Variants in PRDM7 observed in about 807,000 individuals in gnomAD.
The protein encoded by PRDM7 is PR/SET domain 7, also known as histone-lysine N-methyltransferase PRDM7.
In PRDM7, 52 loss-of-function variants were observed where a neutral mutation model predicts 64.3. The ratio of observed to expected loss-of-function variants is 0.81; its 90% CI spans 0.65 to 1.02. The LOEUF is 1.02. Among genes scored for constraint, PRDM7 ranks in the 50% least tolerant of loss-of-function variants. The pLI, the probability that PRDM7 is intolerant of heterozygous loss-of-function variation, is 0.00. For synonymous variants in PRDM7, 192 were observed against 210.1 expected (o/e 0.91, Z 0.74); for missense variants, 574 against 597.1 (o/e 0.96, Z 0.40).
Position 90,057,717 on chromosome 16 carries a change from C to G in PRDM7, c.*572G>C. The stretch of plus-strand genomic sequence containing the variant: ...GTTATTTCCGATCTCTTTACACTCT[C>G]GGGGAATGTAAGGGGTTAGCAGACT... On this transcript the variant is annotated 3_prime_UTR_variant, in exon 11 of 11. Coordinates refer to ENST00000449207, the MANE Select transcript of PRDM7 (RefSeq NM_001098173.2). 1 of 1,234,296 alleles carries G rather than the reference C, an allele frequency of 8.1e-7. No homozygotes were observed. Among genetic ancestry groups the G allele is most frequent in the Non-Finnish European group, 1.0e-6 (1 of 962,124 alleles). 76.5% of individuals were successfully genotyped at this position (1,234,296 alleles called of 1,614,324 possible).
intron 10 of PRDM7, among the ~76,000 whole-genome samples, chr16:90,058,755 C>T (rs945248351): frequency 6.6e-6 from 1 of 152,136 alleles, no homozygotes; most frequent in African/African-American, 2.4e-5. Flanking sequence ...GCCTTTTCTA[C>T]GTATCAGCCA....
At chr16:90,069,207 G>C (rs1047465807) in intron 4 of PRDM7, among the ~76,000 whole-genome samples, 3 of 151,194 alleles carry the variant, frequency 2.0e-5, no homozygotes, top group African/African-American at 4.9e-5. Context: ...ATAAACCCTC[G>C]TGTATATGGT....
intron 10 of PRDM7, among the ~76,000 whole-genome samples, chr16:90,059,995 T>C (rs1353087285): frequency 1.3e-5 from 2 of 152,220 alleles, no homozygotes; most frequent in Non-Finnish European, 2.9e-5. Flanking sequence ...CATATGCGTA[T>C]CATTAAGAAA....
At chr16:90,060,142 G>A (rs112569071) in intron 10 of PRDM7, among the ~76,000 whole-genome samples, 199 bp downstream of exon 10, 2 of 152,160 alleles carry the variant, frequency 1.3e-5, no homozygotes, top group East Asian at 1.9e-4. Context: ...ATATAAAATC[G>A]GAACAAAGAT....
In PRDM7 at chr16:90,058,208, C is replaced by A. The variant is rs1277911123; in HGVS notation, c.*81G>T. 3.7e-6 allele frequency: 6 copies of A among 1,614,106 alleles called. No individual in the cohort carries two copies. Among genetic ancestry groups the A allele is most frequent in the Non-Finnish European group, 5.1e-6 (6 of 1,180,034 alleles). ...CTGGACTCTTCTTCCATCATTCTTT[C>A]TCCCACTCTAGAGCTCCCCATTTGT... is the stretch of plus-strand genomic sequence containing the variant. On this transcript the variant is annotated 3_prime_UTR_variant, in exon 11 of 11. Coordinates refer to ENST00000449207, the MANE Select transcript of PRDM7 (RefSeq NM_001098173.2).
chr16:90,076,389 G>A lies in PRDM7; in HGVS notation c.-85-394C>T, dbSNP rs1437420647. ...CTGAGGAGCAGGGTTCTGTTTTAGC[G>A]AGGCAAAATGAACATTTTGCATAGA... is the stretch of plus-strand genomic sequence containing the variant. On this transcript the variant is annotated intron_variant, in intron 1 of 10. Coordinates refer to ENST00000449207, the MANE Select transcript of PRDM7 (RefSeq NM_001098173.2). Among the ~76,000 whole-genome samples, 8 of 152,126 alleles carry A rather than the reference G, an allele frequency of 5.3e-5. No homozygotes were observed. In the East Asian group the frequency reaches 1.5e-3, roughly 29 times the overall value.
Position 90,058,270 on chromosome 16 carries a change from C to G in PRDM7, c.*19G>C. The stretch of plus-strand genomic sequence containing the variant: ...GCTAGAAAAGGCCCTTGAAATCTCC[C>G]TCTGCCATGTCCTTTTATTCAAGAG... On this transcript the variant is annotated 3_prime_UTR_variant, in exon 11 of 11. Transcript: ENST00000449207. 1 of 1,614,154 alleles carries G rather than the reference C, an allele frequency of 6.2e-7. No individual in the cohort carries two copies. Among genetic ancestry groups the G allele is most frequent in the African/African-American group, 1.3e-5 (1 of 75,054 alleles).
intron 10 of PRDM7, among the ~76,000 whole-genome samples, chr16:90,059,575 C>T (rs2037736051): frequency 6.6e-6 from 1 of 152,216 alleles, no homozygotes; most frequent in African/African-American, 2.4e-5. Context: ...ATCCTTGGCC[C>T]ACAGGCACTT....
At chr16:90,064,964 C>G (rs1404625894) in intron 5 of PRDM7, among the ~76,000 whole-genome samples, 1 of 150,912 alleles carries the variant, frequency 6.6e-6, no homozygotes, top group Non-Finnish European at 1.5e-5. Flanking sequence ...GGTAATCTGC[C>G]CACCTCTGCC....
intron 4 of PRDM7, among the ~76,000 whole-genome samples, chr16:90,073,203 A>G (rs1186732981): frequency 6.6e-6 from 1 of 152,230 alleles, no homozygotes; most frequent in Admixed American, 6.5e-5. Context: ...ATCATATAGT[A>G]TGATGAAATG....
rs535302019 is a variant in PRDM7 at position 90,058,212 on chromosome 16, C to T, written c.*77G>A. On this transcript the variant is annotated 3_prime_UTR_variant, in exon 11 of 11. Coordinates refer to ENST00000449207, the MANE Select transcript of PRDM7 (RefSeq NM_001098173.2). Reference sequence around the variant, plus strand: ...ACTCTTCTTCCATCATTCTTTCTCCCACTCTAGAGCTCCCCATTTGTCCTT... The same window carrying T: ...ACTCTTCTTCCATCATTCTTTCTCCTACTCTAGAGCTCCCCATTTGTCCTT... The T allele has an allele frequency of 3.7e-6, 6 of 1,614,186 alleles. No homozygotes were observed. The highest frequency in any genetic ancestry group is 3.3e-4 in the Middle Eastern group (2 of 6,062).
intron 9 of PRDM7, among the ~76,000 whole-genome samples, chr16:90,060,830 T>C (rs1384075029): frequency 1.3e-5 from 2 of 152,232 alleles, no homozygotes; most frequent in African/African-American, 4.8e-5. Context: ...AATTCTGTTT[T>C]ATACCACAGA....
At chr16:90,060,995 C>A (rs2037766747) in intron 9 of PRDM7, among the ~76,000 whole-genome samples, 1 of 152,278 alleles carries the variant, frequency 6.6e-6, no homozygotes, top group South Asian at 2.1e-4. Flanking sequence ...TAGAGAAACT[C>A]AGAAGTCTCT....
Position 90,075,405 on chromosome 16 carries a change from C to T in PRDM7, c.139G>A (p.Glu47Lys), listed in dbSNP as rs2038021594. The change falls in exon 3 of 11, where the codon GAG becomes AAG. Residue 47 changes from glutamate to lysine, a missense_variant. Coordinates refer to ENST00000449207, the MANE Select transcript of PRDM7 (RefSeq NM_001098173.2). This position sits in a 1 kb window ranked among gnomAD's most constrained non-coding sequence, Gnocchi z 4.3. ...KEEWAEMGDW[E>K]KTRYRNVKMN... ...TTCACATTCCTATAGCGAGTTTTCTCCCAGTCTCCCATTTCTGCCCATTCT... is the reference window on the plus strand; with the variant it reads ...TTCACATTCCTATAGCGAGTTTTCTTCCAGTCTCCCATTTCTGCCCATTCT... The T allele has an allele frequency of 6.2e-7, 1 of 1,614,166 alleles. No individual in the cohort carries two copies. The highest frequency in any genetic ancestry group is 8.5e-7 in the Non-Finnish European group (1 of 1,180,032).
In PRDM7 at chr16:90,062,168, A is replaced by G; in HGVS notation, c.635T>C (p.Phe212Ser). ...CCCATGAGCAGCACAGCTGTCAATGAAGAAGTTCTGACACATCTCACAATC... is the reference window on the plus strand; with the variant it reads ...CCCATGAGCAGCACAGCTGTCAATGGAGAAGTTCTGACACATCTCACAATC... The part of the protein sequence containing the change: ...YLYCEMCQNF[F>S]IDSCAAHGPP... The change falls in exon 8 of 11, where the codon TTC (phenylalanine) becomes TCC (serine). Residue 212 changes from phenylalanine to serine, a missense_variant. Physicochemically the swap from Phe to Ser is radical, Grantham distance 155. Transcript: ENST00000449207. The G allele has an allele frequency of 7.4e-6, 12 of 1,614,270 alleles. No individual in the cohort carries two copies. The highest frequency in any genetic ancestry group is 1.0e-5 in the Non-Finnish European group (12 of 1,180,046).
At chr16:90,070,457 C>T (rs1394341888) in intron 4 of PRDM7, among the ~76,000 whole-genome samples, 1 of 150,858 alleles carries the variant, frequency 6.6e-6, no homozygotes, top group Non-Finnish European at 1.5e-5. Flanking sequence ...GCTGATGTGC[C>T]CCTGTAGTCC....
At chr16:90,060,693 T>G in intron 9 of PRDM7, 70 bp from the exon 10 acceptor site, 1 of 1,582,394 alleles carries the variant, frequency 6.3e-7, no homozygotes, top group Admixed American at 1.7e-5. Context: ...ACTACAATGC[T>G]CATCCTGCCT....
At chr16:90,062,621 TCTCC>T in intron 6 of PRDM7, 119 bp from the exon 7 acceptor site, 2 of 917,856 alleles carry the variant, frequency 2.2e-6, no homozygotes, top group Non-Finnish European at 3.5e-6. Context: ...CATACTCTAG[TCTCC>T]CTCTGTTTAC....
At chr16:90,058,638 C>T (rs920900878) in intron 10 of PRDM7, 104 bp from the exon 11 acceptor site, 39 of 1,374,850 alleles carry the variant, frequency 2.8e-5, no homozygotes, top group Non-Finnish European at 3.8e-5. Context: ...CATATGTTAA[C>T]AATGCAAGCT....
Sources: gnomAD v4.1 joint callset for allele counts (sites outside exome capture counted in the v4.1 genomes callset) on GRCh38, gnomAD v4.1.1 for gene constraint, Gnocchi (gnomAD v3.1) non-coding constraint, MANE v1.5 for transcripts, NCBI Gene and HGNC (gene_info 2026-07-23, HGNC 2026-07-21) for gene names.